The following OSBPL9 variants were observed in gnomAD, a reference collection of about 807,000 sequenced individuals.
OSBPL9 encodes oxysterol binding protein like 9.
OSBPL9 carries 40 observed loss-of-function variants against 106.6 expected under a neutral mutation model. The observed-to-expected ratio is 0.38, with a 90% CI of 0.29 to 0.49. The LOEUF (loss-of-function observed/expected upper bound fraction) is 0.49, where lower values mean the gene tolerates loss of function less well. OSBPL9 is among the 20% of genes least tolerant of loss of function. OSBPL9 has a pLI of 0.97. For missense variants in OSBPL9, 609 were observed against 887.2 expected, an observed-to-expected ratio of 0.69 and a Z score of 3.98; for synonymous variants, 269 against 295.4, an observed-to-expected ratio of 0.91 and a Z score of 0.92.
At chr1:51,756,250 G>T in intron 8 of OSBPL9, 70 bp from the exon 9 acceptor site, 1 of 1,321,428 alleles carries the variant, frequency 7.6e-7, no homozygotes, top group Non-Finnish European at 1.1e-6. Context: ...AAGCTTTCTT[G>T]TAGGAGAAAT....
upstream of OSBPL9, chr1:51,616,922 G>A (rs72896012): frequency 8.9e-6 from 9 of 1,015,510 alleles, no homozygotes; most frequent in East Asian, 1.9e-4. Context: ...TCTCGCATCC[G>A]TGGCATGGAG....
the OSBPL9 span, among the ~76,000 whole-genome samples, chr1:51,541,407 A>G: frequency 3.9e-5 from 6 of 152,086 alleles, no homozygotes; most frequent in African/African-American, 1.2e-4. Context: ...ACATACCCCT[A>G]CTCAAACTCA....
At chr1:51,755,778 A>C (rs1670213153) in intron 8 of OSBPL9, among the ~76,000 whole-genome samples, 1 of 152,226 alleles carries the variant, frequency 6.6e-6, no homozygotes, top group Non-Finnish European at 1.5e-5. Flanking sequence ...TTTCAACTTA[A>C]GATGGGTTTA....
chr1:51,597,449 G>A (rs969013078), intron 1 of OSBPL9, among the ~76,000 whole-genome samples: 5 of 137,522 alleles, frequency 3.6e-5, no homozygotes, highest in South Asian at 2.2e-4. Context: ...GTGTGTGTGT[G>A]TGTGTGTGTG....
In OSBPL9 at chr1:51,765,968, A is replaced by G. The variant is rs1254796865; in HGVS notation, c.925A>G (p.Lys309Glu). 2 of 1,608,764 alleles carry G rather than the reference A, an allele frequency of 1.2e-6. No homozygotes were observed. Among genetic ancestry groups the G allele is most frequent in the South Asian group, 2.2e-5 (2 of 90,850 alleles). ...DEFHQSGSSP[K>E]RLIDSSGSAS... ...ATTCCATCAAAGTGGCTCATCCCCA[A>G]AGCGCTTAATAGAGTGAGTAGATGA... The change falls in exon 12 of 24, where the codon AAG becomes GAG. Residue 309 changes from lysine (K) to glutamate (E), a missense_variant. Around this residue, in one of 5 missense-constraint regions of OSBPL9, gnomAD observed 356 missense variants for 505.8 expected, o/e 0.70. Transcript: ENST00000428468.
intron 3 of OSBPL9, among the ~76,000 whole-genome samples, chr1:51,695,974 G>A (rs1655934485): frequency 6.6e-6 from 1 of 152,176 alleles, no homozygotes; most frequent in Non-Finnish European, 1.5e-5. Flanking sequence ...AGAATGTAGT[G>A]GTTCATGGAA....
chr1:51,617,527 G>C (rs1644131565), intron 1 of OSBPL9, among the ~76,000 whole-genome samples: 1 of 152,148 alleles, frequency 6.6e-6, no homozygotes, highest in African/African-American at 2.4e-5. Flanking sequence ...GGGTAAGGGT[G>C]ATCGTAGTCA....
chr1:51,675,385 A>T (rs1393562136), intron 3 of OSBPL9, among the ~76,000 whole-genome samples: 2 of 150,350 alleles, frequency 1.3e-5, no homozygotes, highest in African/African-American at 2.5e-5. Flanking sequence ...TTATTTATTT[A>T]TTTTTTGTGA....
At chr1:51,730,945 C>T (rs1664233159) in intron 4 of OSBPL9, among the ~76,000 whole-genome samples, 1 of 152,104 alleles carries the variant, frequency 6.6e-6, no homozygotes, top group Non-Finnish European at 1.5e-5. Context: ...TGAATAATCT[C>T]TCTTGAACAC....
intron 1 of OSBPL9, chr1:51,595,043 CCT>C (rs1457877185): frequency 6.5e-6 from 1 of 152,782 alleles, no homozygotes; most frequent in Non-Finnish European, 1.5e-5. Context: ...GCCACTTCTA[CCT>C]TGACCCAGGG....
chr1:51,558,137 A>G, the OSBPL9 span, among the ~76,000 whole-genome samples: 56 of 152,228 alleles, frequency 3.7e-4, no homozygotes, highest in South Asian at 6.2e-4. Flanking sequence ...AAAATTAGCC[A>G]GGCGTAGTGG....
chr1:51,705,776 T>A (rs1658417438), intron 3 of OSBPL9, among the ~76,000 whole-genome samples: 1 of 152,218 alleles, frequency 6.6e-6, no homozygotes, highest in South Asian at 2.1e-4. Context: ...TATATTTTTG[T>A]ATTGTTAGAT....
intron 14 of OSBPL9, 70 bp from the exon 15 acceptor site, chr1:51,776,760 CTTT>C (rs57902123): frequency 4.1e-4 from 328 of 801,126 alleles, no homozygotes; most frequent in South Asian, 6.4e-4. Flanking sequence ...GTTTTGTTTT[CTTT>C]TTTTTTTTTT....
chr1:51,575,647 ACC>A (rs556535598), upstream of OSBPL9, among the ~76,000 whole-genome samples: 20 of 152,160 alleles, frequency 1.3e-4, no homozygotes, highest in East Asian at 3.9e-3. Context: ...CCCTTATGAG[ACC>A]CAGGGGACTT....
At chr1:51,770,162 A>G (rs1229298003) in intron 12 of OSBPL9, among the ~76,000 whole-genome samples, 1 of 148,354 alleles carries the variant, frequency 6.7e-6, no homozygotes, top group African/African-American at 2.5e-5. Context: ...TTGAGACAGA[A>G]TCTCACTCTG....
At chr1:51,649,900 G>A (rs537909489) in intron 1 of OSBPL9, among the ~76,000 whole-genome samples, 1 of 151,598 alleles carries the variant, frequency 6.6e-6, no homozygotes, top group African/African-American at 2.4e-5. Flanking sequence ...TTGAAAAAAG[G>A]GTTTTGCTCT....
intron 3 of OSBPL9, among the ~76,000 whole-genome samples, chr1:51,688,092 G>A (rs1414505836): frequency 3.9e-5 from 6 of 152,126 alleles, no homozygotes; most frequent in African/African-American, 1.4e-4. Context: ...CTCTCTGTGG[G>A]AGTTTTTAGG....
At chr1:51,736,350 A>G (rs1665691179) in intron 4 of OSBPL9, among the ~76,000 whole-genome samples, 1 of 152,196 alleles carries the variant, frequency 6.6e-6, no homozygotes, top group Non-Finnish European at 1.5e-5. Context: ...ATAATTTCTA[A>G]GAGATAAATG....
the OSBPL9 span, among the ~76,000 whole-genome samples, chr1:51,534,269 A>T: frequency 1.3e-5 from 2 of 151,420 alleles, no homozygotes; most frequent in East Asian, 1.9e-4. Context: ...TTTGTTTTGA[A>T]CAGTCTAGTA....
Sources: gnomAD v4.1 joint callset for allele counts (sites outside exome capture counted in the v4.1 genomes callset) on GRCh38, gnomAD v4.1.1 for gene constraint, gnomAD v4.1.1 regional missense constraint, MANE v1.5 for transcripts, NCBI Gene and HGNC (gene_info 2026-07-23, HGNC 2026-07-21) for gene names.